Variants in MRPL19 observed in about 807,000 individuals in gnomAD.
The protein encoded by MRPL19 is mitochondrial ribosomal protein L19.
Under a neutral mutation model 34.0 loss-of-function variants are expected in MRPL19, and 31 were observed. The ratio of observed to expected loss-of-function variants is 0.91; its 90% CI spans 0.68 to 1.23. The LOEUF (loss-of-function observed/expected upper bound fraction) is 1.23, where lower values mean the gene tolerates loss of function less well. Among genes scored for constraint, MRPL19 ranks in the 50% most tolerant of loss-of-function variants. The probability of loss-of-function intolerance (pLI) is 0.00; values close to 1 mark genes in which losing one functional copy is unlikely to be tolerated. For synonymous variants in MRPL19, 152 were observed against 127.7 expected (o/e 1.19, Z -1.28); for missense variants, 384 against 367.6 (o/e 1.04, Z -0.37).
At chr2:75,654,377 T>C (rs537495712) in intron 4 of MRPL19, among the ~76,000 whole-genome samples, 1 of 152,322 alleles carries the variant, frequency 6.6e-6, no homozygotes, top group South Asian at 2.1e-4. Context: ...ACATGGAAGA[T>C]TGATTTTTCT....
intron 4 of MRPL19, among the ~76,000 whole-genome samples, chr2:75,653,834 C>G (rs914713661): frequency 6.6e-6 from 1 of 152,182 alleles, no homozygotes; most frequent in Non-Finnish European, 1.5e-5. Context: ...TTTTCTATTT[C>G]CATAAATGGT....
intron 3 of MRPL19, 88 bp downstream of exon 3, chr2:75,652,348 G>C (rs550807146): frequency 7.6e-7 from 1 of 1,315,626 alleles, no homozygotes; most frequent in East Asian, 2.3e-5. Flanking sequence ...AGCAAAAGAA[G>C]ATTGTTTTTT....
chr2:75,648,818 G>A (rs1310746455), intron 2 of MRPL19, among the ~76,000 whole-genome samples: 2 of 152,126 alleles, frequency 1.3e-5, no homozygotes, highest in Non-Finnish European at 2.9e-5. Flanking sequence ...GCAGTGAGCC[G>A]AGATCGTGCC....
intron 1 of MRPL19, 50 bp downstream of exon 1, chr2:75,646,960 A>G (rs775299712): frequency 2.7e-6 from 4 of 1,505,322 alleles, no homozygotes; most frequent in Non-Finnish European, 3.6e-6. Flanking sequence ...GCCCAGGGTC[A>G]GGATGGGGGA....
At chr2:75,647,888 T>A (rs533080534) in intron 2 of MRPL19, among the ~76,000 whole-genome samples, 20 of 152,290 alleles carry the variant, frequency 1.3e-4, no homozygotes, top group South Asian at 6.2e-4. Flanking sequence ...TTAATTTTTT[T>A]ATTTTTTAAA....
chr2:75,651,403 C>A lies in MRPL19; in HGVS notation c.222-739C>A, dbSNP rs530262901. The A allele has an allele frequency of 9.3e-6, 5 of 537,434 alleles. No homozygotes were observed. In the African/African-American group the frequency reaches 9.6e-5, roughly 10 times the overall value. 33.3% of individuals were successfully genotyped at this position (537,434 alleles called of 1,614,324 possible). ...TGTACCTGGCTTAAAGTTACTGACT[C>A]GCTGCCACTTGGAGACCTAGCTGTC... On this transcript the variant is annotated intron_variant, in intron 2 of 5. Transcript: ENST00000393909.
intron 2 of MRPL19, 29 bp downstream of exon 2, chr2:75,647,248 C>A: frequency 6.4e-7 from 1 of 1,552,326 alleles, no homozygotes; most frequent in Non-Finnish European, 8.7e-7. Flanking sequence ...GCTAGGCCGG[C>A]AACTGGGGTC....
chr2:75,647,444 G>T (rs1678248602), intron 2 of MRPL19: 1 of 521,978 alleles, frequency 1.9e-6, no homozygotes, highest in Admixed American at 3.7e-5. Flanking sequence ...TCAAGTAGGG[G>T]TTCCCCATAT....
intron 2 of MRPL19, among the ~76,000 whole-genome samples, chr2:75,649,184 T>A (rs549982596): frequency 1.3e-5 from 2 of 152,288 alleles, no homozygotes; most frequent in South Asian, 4.1e-4. Flanking sequence ...AAATACAAAG[T>A]TGGAAAAAAG....
At position 75,658,447 on chromosome 2, in the gene MRPL19, ATGC is replaced by A. The variant is rs1220004889; in HGVS notation, c.*3166_*3168del. ...GTCTACCTTTTGGCTATTGTGAATA[ATGC>A]TGCAGTAAACATTGACATAACAAGT... On this transcript the variant is annotated 3_prime_UTR_variant, in exon 6 of 6. Transcript: ENST00000393909. Among the ~76,000 whole-genome samples, 1 of 152,168 alleles carries A rather than the reference ATGC, an allele frequency of 6.6e-6. No individual in the cohort carries two copies. Among genetic ancestry groups the A allele is most frequent in the African/African-American group, 2.4e-5 (1 of 41,444 alleles).
chr2:75,648,165 G>A (rs752035948), intron 2 of MRPL19, among the ~76,000 whole-genome samples: 26 of 152,108 alleles, frequency 1.7e-4, no homozygotes, highest in Admixed American at 3.3e-4. Flanking sequence ...GCTTTTGAGG[G>A]TAGAAATGGA....
rs6730759 is a variant in MRPL19 at position 75,660,970 on chromosome 2, G to A, written c.*5685G>A. On this transcript the variant is annotated 3_prime_UTR_variant, in exon 6 of 6. Transcript: ENST00000393909. ...ATAGTCTTTCGACCCAGGTGTTTGCGGTTGTTAGTTCACCTTACACTTTTT... is the reference window on the plus strand; with the variant it reads ...ATAGTCTTTCGACCCAGGTGTTTGCAGTTGTTAGTTCACCTTACACTTTTT... 69,927 of 152,008 alleles carry A rather than the reference G, an allele frequency of 0.46. 16,585 individuals are homozygous for A. The highest frequency in any genetic ancestry group is 0.59 in the African/African-American group (24,473 of 41,476). 9.4% of individuals were successfully genotyped at this position (152,008 alleles called of 1,614,324 possible).
chr2:75,658,001 C>T lies in MRPL19; in HGVS notation c.*2716C>T, dbSNP rs1183529676. 1 of 152,056 alleles carries T rather than the reference C, an allele frequency of 6.6e-6. No homozygotes were observed. Among genetic ancestry groups the T allele is most frequent in the African/African-American group, 2.4e-5 (1 of 41,422 alleles). The allele number at this position is 152,056 out of a possible 1,614,324, so 9.4% of individuals were successfully genotyped here. ...TACTATTTCCAAAATTTTCTCATCA[C>T]CCCAAACTGAAACTCTGTAACTGTT... On this transcript the variant is annotated 3_prime_UTR_variant, in exon 6 of 6. Coordinates refer to ENST00000393909, the MANE Select transcript of MRPL19 (RefSeq NM_014763.4).
chr2:75,654,614 CG>C, intron 4 of MRPL19, 121 bp from the exon 5 acceptor site: 4 of 762,166 alleles, frequency 5.2e-6, no homozygotes, highest in Non-Finnish European at 5.9e-6. Flanking sequence ...TTCAAATTAA[CG>C]GCACATTTTC....
rs1306616630 is a variant in MRPL19, at chr2:75,662,129, T to C, written c.*6844T>C. On this transcript the variant is annotated 3_prime_UTR_variant, in exon 6 of 6. Coordinates refer to ENST00000393909, the MANE Select transcript of MRPL19 (RefSeq NM_014763.4). The stretch of plus-strand genomic sequence containing the variant: ...GATGTGGATTTTCTCCTTTATTCTG[T>C]TCGTGAGTGATTACACTGGTTGACT... 6.6e-6 allele frequency: 1 copy of C among 152,218 alleles called. No homozygotes were observed. Among genetic ancestry groups the C allele is most frequent in the Non-Finnish European group, 1.5e-5 (1 of 68,044 alleles). 9.4% of individuals were successfully genotyped at this position (152,218 alleles called of 1,614,324 possible). A position where few individuals can be genotyped will look rare whatever the true frequency, so the allele number is the denominator to read the frequency against.
rs1350798044 is a variant in MRPL19 at position 75,656,670 on chromosome 2, T to C, written c.*1385T>C. Reference sequence around the variant, plus strand: ...ATTTTCTTTGTTTCTATTGTTGTATTGAGAAATCCAATGCCATTTTGATTT... The same window carrying C: ...ATTTTCTTTGTTTCTATTGTTGTATCGAGAAATCCAATGCCATTTTGATTT... On this transcript the variant is annotated 3_prime_UTR_variant, in exon 6 of 6. Coordinates refer to ENST00000393909, the MANE Select transcript of MRPL19 (RefSeq NM_014763.4). 6.6e-6 allele frequency: 1 copy of C among 152,168 alleles called. No homozygotes were observed. Among genetic ancestry groups the C allele is most frequent in the African/African-American group, 2.4e-5 (1 of 41,452 alleles). The allele number at this position is 152,168 out of a possible 1,614,324, so 9.4% of individuals were successfully genotyped here.
At chr2:75,654,123 T>G (rs1336379413) in intron 4 of MRPL19, among the ~76,000 whole-genome samples, 1 of 152,126 alleles carries the variant, frequency 6.6e-6, no homozygotes, top group Non-Finnish European at 1.5e-5. Flanking sequence ...AAATCTAAGT[T>G]CAAGGTGCTG....
Position 75,657,430 on chromosome 2 carries a change from T to A in MRPL19, c.*2145T>A, listed in dbSNP as rs1436566180. The stretch of plus-strand genomic sequence containing the variant: ...CAGACAGCAGCTTTCAGCTACTTCC[T>A]TGATCTTTTTCACTAATGATTATAT... On this transcript the variant is annotated 3_prime_UTR_variant, in exon 6 of 6. Transcript: ENST00000393909. 6.6e-6 allele frequency: 1 copy of A among 152,160 alleles called. No homozygotes were observed. Among genetic ancestry groups the A allele is most frequent in the Admixed American group, 6.5e-5 (1 of 15,278 alleles). 9.4% of individuals were successfully genotyped at this position (152,160 alleles called of 1,614,324 possible).
rs1377559628 is a variant in MRPL19, at chr2:75,656,455, C to G, written c.*1170C>G. Reference sequence around the variant, plus strand: ...CTTCTTTCCTGCGCTCAGCTGTTTTCTGGATTCCATGTTTTCCATTTTATT... The same window carrying G: ...CTTCTTTCCTGCGCTCAGCTGTTTTGTGGATTCCATGTTTTCCATTTTATT... On this transcript the variant is annotated 3_prime_UTR_variant, in exon 6 of 6. Coordinates refer to ENST00000393909, the MANE Select transcript of MRPL19 (RefSeq NM_014763.4). 1 of 152,106 alleles carries G rather than the reference C, an allele frequency of 6.6e-6. No homozygotes were observed. The highest frequency in any genetic ancestry group is 2.4e-5 in the African/African-American group (1 of 41,422). 9.4% of individuals were successfully genotyped at this position (152,106 alleles called of 1,614,324 possible). A position where few individuals can be genotyped will look rare whatever the true frequency, so the allele number is the denominator to read the frequency against.
Sources: allele counts gnomAD v4.1 joint callset (sites outside exome capture counted in the v4.1 genomes callset), GRCh38; gene constraint gnomAD v4.1.1; transcripts MANE v1.5; gene names NCBI Gene and HGNC (gene_info 2026-07-23, HGNC 2026-07-21).